TEP1: variants seen among roughly 807,000 people sequenced by gnomAD.
TEP1 encodes telomerase associated protein 1.
Under a neutral mutation model 306.3 loss-of-function variants are expected in TEP1, and 241 were observed. The ratio of observed to expected loss-of-function variants is 0.79; its 90% CI spans 0.71 to 0.88. The LOEUF is 0.88. Among genes scored for constraint, TEP1 ranks in the 40% least tolerant of loss-of-function variants. The probability of loss-of-function intolerance (pLI) is 0.00; values close to 1 mark genes in which losing one functional copy is unlikely to be tolerated. For synonymous variants in TEP1, 1,289 were observed against 1,305.5 expected (o/e 0.99, Z 0.27); for missense variants, 3,051 against 3,276.1 (o/e 0.93, Z 1.68).
intron 35 of TEP1, 145 bp downstream of exon 35, chr14:20,379,785 G>T: frequency 9.6e-7 from 1 of 1,038,734 alleles, no homozygotes; most frequent in Non-Finnish European, 1.3e-6. Context: ...TTGATTTTTT[G>T]GCCAAGCCCT....
At chr14:20,373,916 A>G in intron 44 of TEP1, 106 bp from the exon 45 acceptor site, 4 of 1,454,330 alleles carry the variant, frequency 2.8e-6, no homozygotes, top group Non-Finnish European at 3.7e-6. Flanking sequence ...GGAAGATGTC[A>G]ATGAGGGAGG....
intron 1 of TEP1, among the ~76,000 whole-genome samples, chr14:20,413,022 A>G (rs1347803724): frequency 6.6e-6 from 1 of 151,866 alleles, no homozygotes; most frequent in African/African-American, 2.4e-5. Flanking sequence ...CTGGGTTTCT[A>G]TTATCACAAA....
chr14:20,383,287 C>T lies in TEP1; in HGVS notation c.3934G>A (p.Gly1312Ser), dbSNP rs1873985468. 6.2e-7 allele frequency: 1 copy of T among 1,613,240 alleles called. No individual in the cohort carries two copies. The highest frequency in any genetic ancestry group is 8.5e-7 in the Non-Finnish European group (1 of 1,179,658). The change falls in exon 27 of 55, where the codon GGT becomes AGT. Residue 1312 changes from glycine (G) to serine (S), a missense_variant. By Grantham distance (56) the Gly-to-Ser change is moderately conservative (BLOSUM62 0). This residue lies in a region of TEP1 where 1,540 missense variants were observed against 1,705.9 expected (regional missense o/e 0.90). Transcript: ENST00000262715. Reference protein sequence around the residue: ...GLGETLEQSQGAHVLALGPLE... With the variant: ...GLGETLEQSQSAHVLALGPLE... ...GGCCCCAAGGCCAGCACGTGGGCAC[C>T]CTGGCTCTGCTCAAGGGTCTCCCCT...
chr14:20,409,033 T>C (rs924800143), intron 1 of TEP1, among the ~76,000 whole-genome samples: 52 of 152,166 alleles, frequency 3.4e-4, no homozygotes, highest in African/African-American at 1.0e-3. Flanking sequence ...GTTGTCAATA[T>C]TCACCACCCC....
intron 18 of TEP1, among the ~76,000 whole-genome samples, chr14:20,387,442 C>A (rs530233568): frequency 1.3e-5 from 2 of 150,628 alleles, no homozygotes; most frequent in Non-Finnish European, 3.0e-5. Context: ...GTCCCAGCTA[C>A]TCGGGAGGCT....
intron 9 of TEP1, among the ~76,000 whole-genome samples, chr14:20,397,292 A>C (rs1878284155): frequency 6.6e-6 from 1 of 152,192 alleles, no homozygotes; most frequent in African/African-American, 2.4e-5. Context: ...TTAATATTTC[A>C]AGGCACAATA....
In TEP1 at chr14:20,373,724, G is replaced by A. The variant is rs1465209514; in HGVS notation, c.6558C>T (p.His2186=). ...QGVELTSIPA[H]SGPISHCAAA... is the part of the protein sequence containing the mutation. ...CTGCACAGTGGCTAATGGGTCCTGA[G>A]TGAGCAGGGATGCTGGTCAGCTCCA... The change falls in exon 45 of 55, where the codon CAC becomes CAT. Residue 2186 remains histidine, a synonymous_variant. Coordinates refer to ENST00000262715, the MANE Select transcript of TEP1 (RefSeq NM_007110.5). The A allele has an allele frequency of 6.2e-7, 1 of 1,614,220 alleles. No homozygotes were observed. The highest frequency in any genetic ancestry group is 2.2e-5 in the East Asian group (1 of 44,874).
intron 15 of TEP1, 76 bp from the exon 16 acceptor site, chr14:20,389,816 A>T: frequency 6.4e-7 from 1 of 1,570,356 alleles, no homozygotes; most frequent in Non-Finnish European, 8.7e-7. Flanking sequence ...GAGCTTTCTG[A>T]GGACAGGAGG....
intron 5 of TEP1, among the ~76,000 whole-genome samples, 194 bp from the exon 6 acceptor site, chr14:20,404,078 G>A (rs1302386688): frequency 6.6e-6 from 1 of 152,098 alleles, no homozygotes; most frequent in African/African-American, 2.4e-5. Flanking sequence ...GCTGGGCAGG[G>A]TGGCTCACCT....
Position 20,386,498 on chromosome 14 carries a change from T to C in TEP1, c.2810A>G (p.His937Arg). 1 of 1,612,558 alleles carries C rather than the reference T, an allele frequency of 6.2e-7. No individual in the cohort carries two copies. The highest frequency in any genetic ancestry group is 8.5e-7 in the Non-Finnish European group (1 of 1,179,268). ...GACGCCCCAGCGGAGGTCGATTCCG[T>C]GAAGGCTGATACGGTGAGGGGCCGC... ...ARAAPHRISL[H>R]GIDLRWGVTE... The change falls in exon 19 of 55, where the codon CAC becomes CGC. Residue 937 changes from histidine to arginine, a missense_variant. Physicochemically the swap from His to Arg is conservative, Grantham distance 29. Coordinates refer to ENST00000262715, the MANE Select transcript of TEP1 (RefSeq NM_007110.5).
At chr14:20,390,482 A>T (rs2139109665) in intron 15 of TEP1, among the ~76,000 whole-genome samples, 199 bp downstream of exon 15, 2 of 152,340 alleles carry the variant, frequency 1.3e-5, no homozygotes, top group South Asian at 4.1e-4. Flanking sequence ...AGATGCTACT[A>T]ACCAAGGCTT....
Position 20,375,818 on chromosome 14 carries a change from G to A in TEP1, c.6300C>T (p.His2100=), listed in dbSNP as rs1885140522. The A allele has an allele frequency of 1.2e-6, 2 of 1,613,650 alleles. No homozygotes were observed. Among genetic ancestry groups the A allele is most frequent in the South Asian group, 1.1e-5 (1 of 91,068 alleles). Residue 2100 remains histidine, a synonymous_variant, in exon 43 of 55, where the codon CAC becomes CAT. Transcript: ENST00000262715. Reference sequence around the variant, plus strand: ...AGTCACGGTGACAGGCAGGGAAGGAGTGGATCAAAACAGGGGTTTTGGGTG... The same window carrying A: ...AGTCACGGTGACAGGCAGGGAAGGAATGGATCAAAACAGGGGTTTTGGGTG... ...VRTPKTPVLI[H]SFPACHRDWV... is the part of the protein sequence containing the mutation.
rs1884926930 is a variant in TEP1, at chr14:20,372,799, C to A, written c.7010G>T (p.Ser2337Ile). Residue 2337 changes from serine (S) to isoleucine (I), a missense_variant, in exon 49 of 55, where the codon AGT becomes ATT. Ser to Ile is a moderately radical substitution (Grantham distance 142). Coordinates refer to ENST00000262715, the MANE Select transcript of TEP1 (RefSeq NM_007110.5). ...WSSAHTFFVLSADEKISEWQV... is the reference protein window; with the variant it reads ...WSSAHTFFVLIADEKISEWQV... ...CCACTCGCTGATTTTCTCATCAGCA[C>A]TGAGGACAAAAAAGGTGTGTGCCGA... 1.2e-6 allele frequency: 2 copies of A among 1,614,048 alleles called. No individual in the cohort carries two copies. Among genetic ancestry groups the A allele is most frequent in the Non-Finnish European group, 1.7e-6 (2 of 1,180,040 alleles).
In TEP1 at chr14:20,380,945, G is replaced by A. The variant is rs202200281; in HGVS notation, c.4748C>T (p.Ala1583Val). The A allele has an allele frequency of 1.0e-4, 165 of 1,613,814 alleles. No homozygotes were observed. Among genetic ancestry groups the A allele is most frequent in the Non-Finnish European group, 1.4e-4 (162 of 1,179,866 alleles). ...ELGLVSRLLE[A>V]HALYASSVPK... ...ACTCATCTCACCATAGAGGGCATGGGCCTCCAAGAGCCGAGAGACCAGACC... is the reference window on the plus strand; with the variant it reads ...ACTCATCTCACCATAGAGGGCATGGACCTCCAAGAGCCGAGAGACCAGACC... The change falls in exon 33 of 55, where the codon GCC becomes GTC. Residue 1583 changes from alanine to valine, a missense_variant. By Grantham distance (64) the Ala-to-Val change is moderately conservative. Coordinates refer to ENST00000262715, the MANE Select transcript of TEP1 (RefSeq NM_007110.5).
rs146938823 is a variant in TEP1, at chr14:20,373,141, G to A, written c.6821C>T (p.Thr2274Ile). Residue 2274 changes from threonine to isoleucine, a missense_variant, in exon 48 of 55, where the codon ACA becomes ATA. Around this residue, in one of 3 missense-constraint regions of TEP1, gnomAD observed 1,540 missense variants for 1,705.9 expected, o/e 0.90. Transcript: ENST00000262715. ...GGCTGCAGAACTCCTTGGTATACAT[G>A]TGTCATCTGGAGGAGAAAGGACGTG... is the stretch of plus-strand genomic sequence containing the variant. ...LWQVPKEADD[T>I]CIPRSSAAVT... 6 of 1,614,096 alleles carry A rather than the reference G, an allele frequency of 3.7e-6. No homozygotes were observed. The African/African-American group carries it at 8.0e-5, about 22-fold the overall frequency.
chr14:20,384,958 C>A (rs375457392), intron 21 of TEP1, 27 bp downstream of exon 21: 37 of 1,613,852 alleles, frequency 2.3e-5, no homozygotes, highest in Non-Finnish European at 3.1e-5. Flanking sequence ...GGGGAAGGAG[C>A]CCCAGCCTGC....
At position 20,389,622 on chromosome 14, in the gene TEP1, C is replaced by T. The variant is rs1327901399; in HGVS notation, c.2453G>A (p.Arg818Lys). 1.9e-6 allele frequency: 3 copies of T among 1,614,056 alleles called. No homozygotes were observed. Among genetic ancestry groups the T allele is most frequent in the South Asian group, 1.1e-5 (1 of 91,088 alleles). Residue 818 changes from arginine (R) to lysine (K), a missense_variant, in exon 16 of 55, where the codon AGG becomes AAG. Arg to Lys is a conservative substitution (Grantham distance 26, BLOSUM62 2). Coordinates refer to ENST00000262715, the MANE Select transcript of TEP1 (RefSeq NM_007110.5). ...KCLFVGILLRRVQYLSTDLNP... is the reference protein window; with the variant it reads ...KCLFVGILLRKVQYLSTDLNP... ...TAAGCACCCTTACAGGTATTGTACC[C>T]TTCTTAGGAGGATACCAACAAAGAG...
chr14:20,394,639 C>G (rs967607313), intron 12 of TEP1, among the ~76,000 whole-genome samples: 1 of 152,088 alleles, frequency 6.6e-6, no homozygotes, highest in Non-Finnish European at 1.5e-5. Flanking sequence ...ACCACCACAC[C>G]CGGCTAATTT....
At chr14:20,409,999 C>T (rs368122891) in intron 1 of TEP1, among the ~76,000 whole-genome samples, 15 of 108,320 alleles carry the variant, frequency 1.4e-4, no homozygotes, top group East Asian at 8.1e-4. Flanking sequence ...CCAGCCTGGG[C>T]GACAGAGCAA....
Sources: allele counts gnomAD v4.1 joint callset (sites outside exome capture counted in the v4.1 genomes callset), GRCh38; gene constraint gnomAD v4.1.1; regional missense constraint gnomAD v4.1.1; transcripts MANE v1.5; gene names NCBI Gene and HGNC (gene_info 2026-07-23, HGNC 2026-07-21).